The following TRIB2 variants were observed in gnomAD, a reference collection of about 807,000 sequenced individuals.
The protein encoded by TRIB2 is tribbles homolog 2.
TRIB2 carries 2 observed loss-of-function variants against 26.8 expected under a neutral mutation model. That is an observed-to-expected ratio of 0.07 (90% CI 0.03 to 0.24). TRIB2 has a LOEUF of 0.24. Among genes scored for constraint, TRIB2 ranks in the 10% least tolerant of loss-of-function variants. TRIB2 has a pLI of 1.00. For missense variants in TRIB2, 306 were observed against 449.0 expected, an observed-to-expected ratio of 0.68 and a Z score of 2.88; for synonymous variants, 189 against 187.3, an observed-to-expected ratio of 1.01 and a Z score of -0.08.
chr2:12,734,822 A>G (rs1661533933), intron 2 of TRIB2, among the ~76,000 whole-genome samples: 1 of 152,150 alleles, frequency 6.6e-6, no homozygotes, highest in Non-Finnish European at 1.5e-5. Context: ...GTTGGTTTTT[A>G]TGGAAATCAG....
Position 12,718,025 on chromosome 2 carries a change from A to G in TRIB2, c.-283A>G, listed in dbSNP as rs1435627904. The G allele has an allele frequency of 2.4e-5, 11 of 467,342 alleles. No individual in the cohort carries two copies. Among genetic ancestry groups the G allele is most frequent in the Non-Finnish European group, 4.2e-5 (11 of 262,344 alleles). The allele number at this position is 467,342 out of a possible 1,614,324, so 28.9% of individuals were successfully genotyped here. On this transcript the variant is annotated 5_prime_UTR_variant, in exon 1 of 3. Coordinates refer to ENST00000155926, the MANE Select transcript of TRIB2 (RefSeq NM_021643.4). This position sits in a 1 kb window ranked among gnomAD's most constrained non-coding sequence, Gnocchi z 4.0. ...CGGGGACACACACACAGAGTAACTA[A>G]AAGTGCGGCGATTCTGCACATCGCC... is the stretch of plus-strand genomic sequence containing the variant.
rs1661305145 is a variant in TRIB2, at chr2:12,724,916, G to A, written c.563+1364G>A. The A allele has an allele frequency of 2.7e-6, 4 of 1,484,078 alleles. No homozygotes were observed. In the African/African-American group the frequency reaches 4.2e-5, roughly 16 times the overall value. The allele number at this position is 1,484,078 out of a possible 1,614,324, so 91.9% of individuals were successfully genotyped here. A position where few individuals can be genotyped will look rare whatever the true frequency, so the allele number is the denominator to read the frequency against. Reference sequence around the variant, plus strand: ...CCTTGTATGTTCCACCTTTCTTGGAGATTTAATAACTGCACCTACAAAAAT... The same window carrying A: ...CCTTGTATGTTCCACCTTTCTTGGAAATTTAATAACTGCACCTACAAAAAT... On this transcript the variant is annotated intron_variant, in intron 2 of 2. Transcript: ENST00000155926.
rs1348846880 is a variant in TRIB2 at position 12,732,014 on chromosome 2, T to C, written c.564-8312T>C. Among the ~76,000 whole-genome samples the C allele has an allele frequency of 6.6e-6, 1 of 152,214 alleles. No individual in the cohort carries two copies. The highest frequency in any genetic ancestry group is 1.5e-5 in the Non-Finnish European group (1 of 68,028). On this transcript the variant is annotated intron_variant, in intron 2 of 2. Coordinates refer to ENST00000155926, the MANE Select transcript of TRIB2 (RefSeq NM_021643.4). The surrounding 1 kb of genome is among the most constrained non-coding windows in gnomAD (Gnocchi z 4.2). ...CTCAATGCAGGGAGTGAATGGAGCA[T>C]TGATGAGGAATTCCTGTCAGCATGG... is the stretch of plus-strand genomic sequence containing the variant.
At chr2:12,736,271 G>A (rs1024348283) in intron 2 of TRIB2, among the ~76,000 whole-genome samples, 1 of 152,168 alleles carries the variant, frequency 6.6e-6, no homozygotes, top group African/African-American at 2.4e-5. Context: ...AAAGGCCTCA[G>A]AAGGACTGGG....
chr2:12,732,219 A>G lies in TRIB2; in HGVS notation c.564-8107A>G, dbSNP rs77465069. ...CACCATGGATGGGAGTCGGGCAGGA[A>G]TGTGCACCTGCATGCGGACAGGGCA... is the stretch of plus-strand genomic sequence containing the variant. On this transcript the variant is annotated intron_variant, in intron 2 of 2. Coordinates refer to ENST00000155926, the MANE Select transcript of TRIB2 (RefSeq NM_021643.4). The surrounding 1 kb of genome is among the most constrained non-coding windows in gnomAD (Gnocchi z 4.2). Among the ~76,000 whole-genome samples, 142 of 152,170 alleles carry G rather than the reference A, an allele frequency of 9.3e-4. No individual in the cohort carries two copies. The highest frequency in any genetic ancestry group is 2.2e-3 in the African/African-American group (92 of 41,504).
chr2:12,736,983 A>C (rs1427042632), intron 2 of TRIB2, among the ~76,000 whole-genome samples: 1 of 152,148 alleles, frequency 6.6e-6, no homozygotes, highest in African/African-American at 2.4e-5. Context: ...AATTAGGGCA[A>C]GGGGACACTG....
intron 2 of TRIB2, among the ~76,000 whole-genome samples, chr2:12,725,107 C>G (rs937405395): frequency 2.0e-5 from 3 of 152,344 alleles, no homozygotes; most frequent in South Asian, 2.1e-4. Flanking sequence ...GCCACATTCA[C>G]TAGTAAGTCA....
chr2:12,740,514 G>A lies in TRIB2; in HGVS notation c.752G>A (p.Arg251Gln), dbSNP rs768938972. 1.2e-6 allele frequency: 2 copies of A among 1,613,958 alleles called. No homozygotes were observed. Among genetic ancestry groups the A allele is most frequent in the Non-Finnish European group, 1.7e-6 (2 of 1,180,032 alleles). ...ATGCTGTACACCATGTTGGTGGGGC[G>A]GTACCCTTTCCATGACATTGAACCC... ...GVMLYTMLVG[R>Q]YPFHDIEPSS... Residue 251 changes from arginine to glutamine, a missense_variant, in exon 3 of 3, where the codon CGG becomes CAG. Coordinates refer to ENST00000155926, the MANE Select transcript of TRIB2 (RefSeq NM_021643.4). This position sits in a 1 kb window ranked among gnomAD's most constrained non-coding sequence, Gnocchi z 5.8.
At position 12,740,256 on chromosome 2, in the gene TRIB2, A is replaced by G. The variant is rs1661684985; in HGVS notation, c.564-70A>G. ...GTCTTCAGAAACACTATAGTCGGTT[A>G]TGTTATGATGCTGGTGGTAACGTGT... On this transcript the variant is annotated intron_variant, in intron 2 of 2. Transcript: ENST00000155926. The surrounding 1 kb of genome is among the most constrained non-coding windows in gnomAD (Gnocchi z 5.8). The G allele has an allele frequency of 7.1e-7, 1 of 1,401,942 alleles. No homozygotes were observed. The highest frequency in any genetic ancestry group is 1.3e-5 in the South Asian group (1 of 78,118). 86.8% of individuals were successfully genotyped at this position (1,401,942 alleles called of 1,614,324 possible).
chr2:12,720,884 C>T (rs1661199249), intron 1 of TRIB2, among the ~76,000 whole-genome samples: 1 of 152,174 alleles, frequency 6.6e-6, no homozygotes, highest in African/African-American at 2.4e-5. Flanking sequence ...ATACTGGTAG[C>T]TACTGTGCAG....
At chr2:12,739,577 G>A (rs776410553) in intron 2 of TRIB2, among the ~76,000 whole-genome samples, 17 of 152,198 alleles carry the variant, frequency 1.1e-4, no homozygotes, top group Non-Finnish European at 1.9e-4. Flanking sequence ...GAGGGTGTCA[G>A]CCTCAGAAGG....
At position 12,740,780 on chromosome 2, in the gene TRIB2, C is replaced by T. The variant is rs1803386; in HGVS notation, c.1018C>T (p.Pro340Ser). 3 of 1,613,486 alleles carry T rather than the reference C, an allele frequency of 1.9e-6. No homozygotes were observed. The highest frequency in any genetic ancestry group is 1.7e-5 in the Admixed American group (1 of 59,974). ...CGTCAACATGGAAGAGAACTTGGAC[C>T]CTTTCTTTAACTGAGCTCATGCCCC... ...PDVNMEENLD[P>S]FFN Residue 340 changes from proline to serine, a missense_variant, in exon 3 of 3, where the codon CCT becomes TCT. Coordinates refer to ENST00000155926, the MANE Select transcript of TRIB2 (RefSeq NM_021643.4). The surrounding 1 kb of genome is among the most constrained non-coding windows in gnomAD (Gnocchi z 5.8).
chr2:12,724,894 T>G, intron 2 of TRIB2: 1 of 1,525,910 alleles, frequency 6.6e-7, no homozygotes, highest in Non-Finnish European at 8.8e-7. Context: ...TCTCTACCCT[T>G]GTATGTTCCA....
chr2:12,718,231 C>T lies in TRIB2; in HGVS notation c.-77C>T. 16 of 1,539,694 alleles carry T rather than the reference C, an allele frequency of 1.0e-5. No homozygotes were observed. Among genetic ancestry groups the T allele is most frequent in the Non-Finnish European group, 1.4e-5 (16 of 1,142,336 alleles). The stretch of plus-strand genomic sequence containing the variant: ...CCTTTTAAAATCAGTGGCACCGAGG[C>T]GCCTGCAGCCGCACTCGCCAGCGAC... On this transcript the variant is annotated 5_prime_UTR_variant, in exon 1 of 3. Coordinates refer to ENST00000155926, the MANE Select transcript of TRIB2 (RefSeq NM_021643.4). This position sits in a 1 kb window ranked among gnomAD's most constrained non-coding sequence, Gnocchi z 4.0.
At chr2:12,724,778 C>G in intron 2 of TRIB2, 5 of 1,612,726 alleles carry the variant, frequency 3.1e-6, no homozygotes, top group Non-Finnish European at 3.4e-6. Context: ...TGTATTGGCT[C>G]TAAGGTCTTT....
At chr2:12,719,034 A>G (rs967078364) in intron 1 of TRIB2, among the ~76,000 whole-genome samples, 1 of 152,186 alleles carries the variant, frequency 6.6e-6, no homozygotes, top group African/African-American at 2.4e-5. Context: ...TTTGTTCCGA[A>G]GGTGCCCTTT....
At chr2:12,724,534 T>G (rs773389450) in intron 2 of TRIB2, 34 of 1,522,128 alleles carry the variant, frequency 2.2e-5, no homozygotes, top group Non-Finnish European at 2.5e-5. Flanking sequence ...GATCTTTGCT[T>G]GTGAATGCCT....
rs1666656146 is a variant in TRIB2, at chr2:12,718,708, T to C, written c.270+131T>C. On this transcript the variant is annotated intron_variant, in intron 1 of 2. Coordinates refer to ENST00000155926, the MANE Select transcript of TRIB2 (RefSeq NM_021643.4). The surrounding 1 kb of genome is among the most constrained non-coding windows in gnomAD (Gnocchi z 4.0). Reference sequence around the variant, plus strand: ...TGGCCTTATTAAATGGGTTTATTTATTTATTTGCTCAGGTTCGGTAAGTTG... The same window carrying C: ...TGGCCTTATTAAATGGGTTTATTTACTTATTTGCTCAGGTTCGGTAAGTTG... 1 of 1,279,034 alleles carries C rather than the reference T, an allele frequency of 7.8e-7. No individual in the cohort carries two copies. The highest frequency in any genetic ancestry group is 1.1e-6 in the Non-Finnish European group (1 of 946,116). 79.2% of individuals were successfully genotyped at this position (1,279,034 alleles called of 1,614,324 possible). A position where few individuals can be genotyped will look rare whatever the true frequency, so the allele number is the denominator to read the frequency against.
chr2:12,736,633 A>C (rs1049703087), intron 2 of TRIB2, among the ~76,000 whole-genome samples: 3 of 152,188 alleles, frequency 2.0e-5, no homozygotes, highest in African/African-American at 7.2e-5. Context: ...GGTCGACAGC[A>C]GGACAGTCCC....
Sources: allele counts gnomAD v4.1 joint callset (sites outside exome capture counted in the v4.1 genomes callset), GRCh38; gene constraint gnomAD v4.1.1; non-coding constraint Gnocchi (gnomAD v3.1); transcripts MANE v1.5; gene names NCBI Gene and HGNC (gene_info 2026-07-23, HGNC 2026-07-21).